The following B3GALT1 variants were observed in gnomAD, a reference collection of about 807,000 sequenced individuals.
B3GALT1 encodes the protein beta-1,3-galactosyltransferase 1, also known as UDP-Gal:betaGlcNAc beta 1,3-galactosyltransferase, polypeptide 1.
In B3GALT1, 10 loss-of-function variants were observed where a neutral mutation model predicts 23.2. The ratio of observed to expected loss-of-function variants is 0.43; its 90% CI spans 0.27 to 0.73. B3GALT1 has a LOEUF of 0.73. Among genes scored for constraint, B3GALT1 ranks in the 30% least tolerant of loss-of-function variants. The probability of loss-of-function intolerance (pLI) is 0.21; values close to 1 mark genes in which losing one functional copy is unlikely to be tolerated. For synonymous variants in B3GALT1, 156 were observed against 141.5 expected, an observed-to-expected ratio of 1.10 and a Z score of -0.73; for missense variants, 299 against 405.4, an observed-to-expected ratio of 0.74 and a Z score of 2.25.
intron 3 of B3GALT1, among the ~76,000 whole-genome samples, chr2:167,674,645 T>G (rs1053558786): frequency 3.3e-5 from 5 of 152,198 alleles, no homozygotes; most frequent in Non-Finnish European, 7.3e-5. Flanking sequence ...TTTGGACATA[T>G]GTAAATGATA....
intron 3 of B3GALT1, among the ~76,000 whole-genome samples, chr2:167,696,296 C>CAAAAAAAAAAAAAAAAAAAA (rs35575073): frequency 1.1e-5 from 1 of 91,838 alleles, no homozygotes; most frequent in Non-Finnish European, 2.0e-5. Context: ...TGGTAAGAGG[C>CAAAAAAAAAAAAAAAAAAAA]AAAAAAAAAA....
At chr2:167,714,436 A>C (rs1330084157) in intron 3 of B3GALT1, 2 of 1,578,478 alleles carry the variant, frequency 1.3e-6, no homozygotes, top group African/African-American at 2.7e-5. Flanking sequence ...GTCTGAGTGG[A>C]TCCTCCAACA....
intron 2 of B3GALT1, among the ~76,000 whole-genome samples, chr2:167,578,927 T>C (rs1558913264): frequency 1.3e-5 from 2 of 151,994 alleles, no homozygotes; most frequent in African/African-American, 2.4e-5. Flanking sequence ...GCGTGTATAA[T>C]AGGAAACCTA....
chr2:167,868,036 A>T (rs185382904), intron 4 of B3GALT1, among the ~76,000 whole-genome samples: 1 of 152,372 alleles, frequency 6.6e-6, no homozygotes, highest in East Asian at 1.9e-4. Context: ...GTATAATTTC[A>T]TCAAGGGAAC....
chr2:167,858,308 G>A (rs546375826), intron 4 of B3GALT1, among the ~76,000 whole-genome samples: 2 of 148,284 alleles, frequency 1.3e-5, no homozygotes, highest in East Asian at 2.0e-4. Flanking sequence ...AACTGGAGGT[G>A]CCAAGTTTTT....
intron 2 of B3GALT1, among the ~76,000 whole-genome samples, chr2:167,527,846 G>T (rs547735242): frequency 6.6e-6 from 1 of 152,202 alleles, no homozygotes; most frequent in Non-Finnish European, 1.5e-5. Flanking sequence ...TTTAGAACCT[G>T]AAGTTTGTCT....
At chr2:167,703,085 AT>A (rs112604652) in intron 3 of B3GALT1, among the ~76,000 whole-genome samples, 66 of 152,332 alleles carry the variant, frequency 4.3e-4, no homozygotes, top group African/African-American at 1.4e-3. Flanking sequence ...GGGACAATCA[AT>A]TAGGTTCACT....
At chr2:167,570,535 TA>T (rs1253329469) in intron 2 of B3GALT1, among the ~76,000 whole-genome samples, 1 of 151,900 alleles carries the variant, frequency 6.6e-6, no homozygotes, top group Non-Finnish European at 1.5e-5. Context: ...TTGTAGTGGG[TA>T]ATGAAAAAAG....
At chr2:167,617,912 G>A (rs1398221144) in intron 2 of B3GALT1, among the ~76,000 whole-genome samples, 2 of 152,024 alleles carry the variant, frequency 1.3e-5, no homozygotes, top group Non-Finnish European at 2.9e-5. Context: ...TAAAAGGAAT[G>A]TTATAATGGG....
At chr2:167,516,784 C>G (rs191655861) in intron 2 of B3GALT1, among the ~76,000 whole-genome samples, 1 of 151,952 alleles carries the variant, frequency 6.6e-6, no homozygotes, top group Non-Finnish European at 1.5e-5. Context: ...CCAGTACAAA[C>G]ACATGTAATG....
intron 4 of B3GALT1, among the ~76,000 whole-genome samples, chr2:167,859,800 C>T (rs570999958): frequency 8.0e-4 from 122 of 152,250 alleles, no homozygotes; most frequent in African/African-American, 2.9e-3. Context: ...AGCTCTTTAT[C>T]TATCTAAGGC....
At chr2:167,549,683 A>G (rs184846194) in intron 2 of B3GALT1, among the ~76,000 whole-genome samples, 2 of 152,288 alleles carry the variant, frequency 1.3e-5, no homozygotes, top group Admixed American at 1.3e-4. Context: ...AGCAGACTAA[A>G]TGTCATTCAG....
intron 2 of B3GALT1, among the ~76,000 whole-genome samples, chr2:167,504,426 C>T (rs1454159971): frequency 6.6e-6 from 1 of 152,114 alleles, no homozygotes; most frequent in Admixed American, 6.5e-5. Flanking sequence ...AATAAATCAC[C>T]TCAAAGGTCC....
At chr2:167,484,488 A>G (rs1699597954) in intron 1 of B3GALT1, among the ~76,000 whole-genome samples, 1 of 152,160 alleles carries the variant, frequency 6.6e-6, no homozygotes. Context: ...TGAGTTATAC[A>G]TTGTTTGAAT....
At chr2:167,836,106 A>ACT in intron 4 of B3GALT1, among the ~76,000 whole-genome samples, 1 of 152,322 alleles carries the variant, frequency 6.6e-6, no homozygotes, top group Middle Eastern at 3.4e-3. Context: ...AAAACTGGAA[A>ACT]CTAAAAAGCA....
intron 2 of B3GALT1, among the ~76,000 whole-genome samples, chr2:167,494,018 A>G (rs573084410): frequency 6.6e-6 from 1 of 152,242 alleles, no homozygotes; most frequent in South Asian, 2.1e-4. Context: ...AGACAGAGTA[A>G]TAGGGAGATC....
At chr2:167,406,083 G>A (rs978973602) in intron 1 of B3GALT1, among the ~76,000 whole-genome samples, 1 of 151,550 alleles carries the variant, frequency 6.6e-6, no homozygotes, top group African/African-American at 2.4e-5. Flanking sequence ...ATTTAAAATG[G>A]GCACCCAGTG....
intron 1 of B3GALT1, among the ~76,000 whole-genome samples, chr2:167,425,365 A>AT (rs1392764712): frequency 6.6e-6 from 1 of 152,242 alleles, no homozygotes; most frequent in Admixed American, 6.5e-5. Flanking sequence ...GGCAAGCGAC[A>AT]TAAAATACAA....
intron 1 of B3GALT1, among the ~76,000 whole-genome samples, chr2:167,443,480 C>T (rs994458433): frequency 1.3e-5 from 2 of 152,168 alleles, no homozygotes; most frequent in African/African-American, 4.8e-5. Flanking sequence ...TGGCCATTTT[C>T]GTGATATTGA....
Sources: allele counts gnomAD v4.1 joint callset (sites outside exome capture counted in the v4.1 genomes callset), GRCh38; gene constraint gnomAD v4.1.1; transcripts MANE v1.5; gene names NCBI Gene and HGNC (gene_info 2026-07-23, HGNC 2026-07-21).